SYT1: variants seen among roughly 807,000 people sequenced by gnomAD.
SYT1 encodes synaptotagmin 1.
In SYT1, 8 loss-of-function variants were observed where a neutral mutation model predicts 44.8. The observed-to-expected ratio is 0.18, with a 90% CI of 0.10 to 0.32. The LOEUF is 0.32. SYT1 is among the 10% of genes least tolerant of loss of function. SYT1 has a pLI of 1.00. For missense variants in SYT1, 286 were observed against 509.3 expected (o/e 0.56, Z 4.22); for synonymous variants, 154 against 188.8 (o/e 0.82, Z 1.51).
At chr12:78,925,701 A>G (rs1204280597) in intron 1 of SYT1, among the ~76,000 whole-genome samples, 1 of 151,942 alleles carries the variant, frequency 6.6e-6, no homozygotes, top group Non-Finnish European at 1.5e-5. Flanking sequence ...CCTGGCACAT[A>G]TTTAGGTCTC....
chr12:79,365,114 A>G (rs1325582707), intron 9 of SYT1, among the ~76,000 whole-genome samples: 1 of 152,098 alleles, frequency 6.6e-6, no homozygotes, highest in Admixed American at 6.6e-5. Flanking sequence ...GAGTTAATTG[A>G]CTCAAGGAAA....
chr12:79,274,131 A>T (rs965769966), intron 4 of SYT1, among the ~76,000 whole-genome samples: 1 of 152,192 alleles, frequency 6.6e-6, no homozygotes, highest in Non-Finnish European at 1.5e-5. Flanking sequence ...GAGATTCGTG[A>T]TCTAATCTCA....
intron 3 of SYT1, among the ~76,000 whole-genome samples, chr12:79,185,835 A>G (rs1872769380): frequency 1.3e-5 from 2 of 151,082 alleles, no homozygotes; most frequent in South Asian, 4.2e-4. Context: ...ATTTCCACTA[A>G]TGTCCATTAG....
At chr12:79,298,001 G>A (rs1592941352) in intron 7 of SYT1, among the ~76,000 whole-genome samples, 1 of 152,086 alleles carries the variant, frequency 6.6e-6, no homozygotes, top group Non-Finnish European at 1.5e-5. Context: ...GCCCCATGAA[G>A]CAGCCATTAT....
intron 9 of SYT1, among the ~76,000 whole-genome samples, chr12:79,383,880 A>G (rs535617003): frequency 6.6e-6 from 1 of 152,304 alleles, no homozygotes; most frequent in East Asian, 1.9e-4. Flanking sequence ...CTAGAACACT[A>G]TAAAAACTAA....
At chr12:79,297,347 C>T (rs1049061135) in intron 7 of SYT1, among the ~76,000 whole-genome samples, 4 of 152,106 alleles carry the variant, frequency 2.6e-5, no homozygotes, top group African/African-American at 9.7e-5. Context: ...CTATAGTCAA[C>T]ATACTACGAA....
intron 9 of SYT1, among the ~76,000 whole-genome samples, chr12:79,367,692 AT>A (rs1456951972): frequency 1.3e-5 from 2 of 152,080 alleles, no homozygotes; most frequent in Non-Finnish European, 2.9e-5. Context: ...CAAAAAAAAA[AT>A]AGAAAAACCT....
At position 79,026,667 on chromosome 12, in the gene SYT1, T is replaced by TTTTTATATA. The variant is rs1298013189; in HGVS notation, c.-83-20629_-83-20628insTTTATATAT. ...TTGTGTGTGTATATACATATATATT[T>TTTTTATATA]TATATATATATATATATATATATAT... On this transcript the variant is annotated intron_variant, in intron 2 of 10. Coordinates refer to ENST00000261205, the MANE Select transcript of SYT1 (RefSeq NM_005639.3). 7.8e-5 allele frequency among the ~76,000 whole-genome samples: 8 copies of TTTTTATATA among 102,256 alleles called. No homozygotes were observed. The East Asian group carries it at 1.9e-3, about 25-fold the overall frequency. 67.1% of individuals were successfully genotyped at this position (102,256 alleles called of 152,430 possible).
intron 1 of SYT1, among the ~76,000 whole-genome samples, chr12:78,905,430 C>T (rs1875921368): frequency 6.6e-6 from 1 of 151,880 alleles, no homozygotes; most frequent in Non-Finnish European, 1.5e-5. Context: ...AGTGGTGTCC[C>T]GGTGGTAATT....
chr12:78,955,896 C>T (rs1879190664), intron 1 of SYT1, among the ~76,000 whole-genome samples: 1 of 149,186 alleles, frequency 6.7e-6, no homozygotes, highest in African/African-American at 2.5e-5. Flanking sequence ...CTATCAATTG[C>T]ATTTTCCCCT....
chr12:79,013,839 GC>G (rs1275305895), intron 2 of SYT1, among the ~76,000 whole-genome samples: 1 of 152,006 alleles, frequency 6.6e-6, no homozygotes, highest in Admixed American at 6.6e-5. Context: ...TAGAAAATAA[GC>G]CTTCAGGCCG....
Position 78,962,332 on chromosome 12 carries a change from CTTT to C in SYT1, c.-216-15450_-216-15448del, listed in dbSNP as rs35875550. ...CAGTAATCATTCAATAGCATTCTTT[CTTT>C]TTTTTTTTTTTTTTTTGAGTCTTAT... On this transcript the variant is annotated intron_variant, in intron 1 of 10. Coordinates refer to ENST00000261205, the MANE Select transcript of SYT1 (RefSeq NM_005639.3). Among the ~76,000 whole-genome samples, 28 of 130,116 alleles carry C rather than the reference CTTT, an allele frequency of 2.2e-4. 1 individual carries two copies. The highest frequency in any genetic ancestry group is 6.3e-4 in the Admixed American group (8 of 12,786). 85.4% of individuals were successfully genotyped at this position (130,116 alleles called of 152,430 possible).
intron 3 of SYT1, among the ~76,000 whole-genome samples, chr12:79,093,844 G>C (rs1208939980): frequency 6.6e-6 from 1 of 151,470 alleles, no homozygotes; most frequent in African/African-American, 2.4e-5. Flanking sequence ...ATATTAATTA[G>C]AATTTCAATT....
At chr12:78,923,555 T>TA (rs71091635) in intron 1 of SYT1, among the ~76,000 whole-genome samples, 26,515 of 151,618 alleles carry the variant, frequency 0.17, 2,929 homozygotes, top group East Asian at 0.5. Context: ...TAGAACTATT[T>TA]AAAAAAAATT....
chr12:79,385,486 C>A (rs915299793), intron 9 of SYT1, among the ~76,000 whole-genome samples: 2 of 151,934 alleles, frequency 1.3e-5, no homozygotes, highest in Non-Finnish European at 2.9e-5. Context: ...TCTGATTGCC[C>A]TAGTTATGCG....
chr12:79,444,033 T>C (rs1220795864), intron 9 of SYT1, 40 bp from the exon 10 acceptor site: 10 of 1,606,572 alleles, frequency 6.2e-6, no homozygotes, highest in Non-Finnish European at 8.5e-6. Flanking sequence ...AAAATATGTG[T>C]CTCTGATCTC....
At chr12:79,320,230 T>C (rs1881289696) in intron 8 of SYT1, among the ~76,000 whole-genome samples, 4 of 152,072 alleles carry the variant, frequency 2.6e-5, no homozygotes, top group Admixed American at 2.6e-4. Context: ...CTGACCATTC[T>C]CCCAAATTTC....
chr12:79,157,682 G>A (rs961114064), intron 3 of SYT1, among the ~76,000 whole-genome samples: 2 of 152,140 alleles, frequency 1.3e-5, no homozygotes, highest in African/African-American at 4.8e-5. Flanking sequence ...TATTGTCACT[G>A]CCAGTGAAAG....
intron 1 of SYT1, among the ~76,000 whole-genome samples, chr12:78,913,527 T>C (rs1197022170): frequency 2.0e-5 from 3 of 151,948 alleles, no homozygotes; most frequent in African/African-American, 7.2e-5. Flanking sequence ...ATTTCTCCAA[T>C]TGTTTAACTG....
Sources: allele counts gnomAD v4.1 joint callset (sites outside exome capture counted in the v4.1 genomes callset), GRCh38; gene constraint gnomAD v4.1.1; transcripts MANE v1.5; gene names NCBI Gene and HGNC (gene_info 2026-07-23, HGNC 2026-07-21).